Variants in LRRK1 observed in about 807,000 individuals in gnomAD.
LRRK1 encodes leucine rich repeat kinase 1, also known as leucine-rich repeat serine/threonine-protein kinase 1.
Under a neutral mutation model 209.1 loss-of-function variants are expected in LRRK1, and 113 were observed. The ratio of observed to expected loss-of-function variants is 0.54; its 90% confidence interval spans 0.46 to 0.63. The LOEUF is 0.63. Among genes scored for constraint, LRRK1 ranks in the 30% least tolerant of loss-of-function variants. LRRK1 has a pLI of 0.00. For missense variants in LRRK1, 2,284 were observed against 2,632.2 expected, an observed-to-expected ratio of 0.87 and a Z score of 2.89; for synonymous variants, 1,144 against 1,099.7, an observed-to-expected ratio of 1.04 and a Z score of -0.80.
At chr15:100,931,949 A>T (rs1014755748) in intron 2 of LRRK1, among the ~76,000 whole-genome samples, 1 of 152,048 alleles carries the variant, frequency 6.6e-6, no homozygotes, top group Non-Finnish European at 1.5e-5. Context: ...CATCATGCCC[A>T]TGGGTAATCA....
At position 101,069,557 on chromosome 15, in the gene LRRK1, C is replaced by T. The variant is rs185705612; in HGVS notation, c.*709C>T. ...GCTTAGCCTTTACATTCCTCTCCAC[C>T]GACAAAAGGAAGGGGAAACTCAATC... On this transcript the variant is annotated 3_prime_UTR_variant, in exon 34 of 34. Coordinates refer to ENST00000388948, the MANE Select transcript of LRRK1 (RefSeq NM_024652.6). 4 of 152,598 alleles carry T rather than the reference C, an allele frequency of 2.6e-5. No homozygotes were observed. Among genetic ancestry groups the T allele is most frequent in the Admixed American group, 2.6e-4 (4 of 15,272 alleles). The allele number at this position is 152,598 out of a possible 1,614,324, so 9.5% of individuals were successfully genotyped here.
chr15:100,994,033 G>T (rs749867064), intron 6 of LRRK1, among the ~76,000 whole-genome samples: 1 of 152,144 alleles, frequency 6.6e-6, no homozygotes, highest in Non-Finnish European at 1.5e-5. Context: ...GCTATTAGCC[G>T]CACATCACCA....
Position 101,069,565 on chromosome 15 carries a change from G to A in LRRK1, c.*717G>A, listed in dbSNP as rs1245368977. On this transcript the variant is annotated 3_prime_UTR_variant, in exon 34 of 34. Transcript: ENST00000388948. ...TTTACATTCCTCTCCACCGACAAAA[G>A]GAAGGGGAAACTCAATCAGCAGGAC... 6.5e-6 allele frequency: 1 copy of A among 152,678 alleles called. No homozygotes were observed. The highest frequency in any genetic ancestry group is 2.4e-5 in the African/African-American group (1 of 41,468). The allele number at this position is 152,678 out of a possible 1,614,324, so 9.5% of individuals were successfully genotyped here.
At chr15:101,030,640 G>A (rs984094573) in intron 20 of LRRK1, among the ~76,000 whole-genome samples, 2 of 152,030 alleles carry the variant, frequency 1.3e-5, no homozygotes, top group African/African-American at 4.8e-5. Flanking sequence ...CTGTACCCCT[G>A]ACACCCACTC....
Position 101,070,230 on chromosome 15 carries a change from G to C in LRRK1, c.*1382G>C, listed in dbSNP as rs1004204587. On this transcript the variant is annotated 3_prime_UTR_variant, in exon 34 of 34. Coordinates refer to ENST00000388948, the MANE Select transcript of LRRK1 (RefSeq NM_024652.6). ...TCCTTGCCCACTGTGCCAACATGCA[G>C]GTGGCCCCTGAGCAGCTTCCATGGG... 2 of 151,916 alleles carry C rather than the reference G, an allele frequency of 1.3e-5. No homozygotes were observed. Among genetic ancestry groups the C allele is most frequent in the Non-Finnish European group, 2.9e-5 (2 of 68,030 alleles). 9.4% of individuals were successfully genotyped at this position (151,916 alleles called of 1,614,324 possible). A position where few individuals can be genotyped will look rare whatever the true frequency, so the allele number is the denominator to read the frequency against.
At chr15:100,943,118 A>C (rs2042474559) in intron 2 of LRRK1, among the ~76,000 whole-genome samples, 1 of 152,234 alleles carries the variant, frequency 6.6e-6, no homozygotes, top group Admixed American at 6.5e-5. Context: ...GCAACAGTCT[A>C]TGTAAAGTGA....
Position 101,069,827 on chromosome 15 carries a change from CAG to C in LRRK1, c.*980_*981del, listed in dbSNP as rs1172732902. 1 of 152,658 alleles carries C rather than the reference CAG, an allele frequency of 6.6e-6. No individual in the cohort carries two copies. Among genetic ancestry groups the C allele is most frequent in the African/African-American group, 2.4e-5 (1 of 41,578 alleles). 9.5% of individuals were successfully genotyped at this position (152,658 alleles called of 1,614,324 possible). On this transcript the variant is annotated 3_prime_UTR_variant, in exon 34 of 34. Coordinates refer to ENST00000388948, the MANE Select transcript of LRRK1 (RefSeq NM_024652.6). Reference sequence around the variant, plus strand: ...GGAGTACGAAAAGGAACGTTGTCCACAGGGGATTTATGGATACAACAGCAAAC... The same window carrying C: ...GGAGTACGAAAAGGAACGTTGTCCACGGGATTTATGGATACAACAGCAAAC...
chr15:100,987,599 A>G (rs1344078796), intron 4 of LRRK1, among the ~76,000 whole-genome samples: 2 of 152,152 alleles, frequency 1.3e-5, no homozygotes, highest in African/African-American at 4.8e-5. Context: ...GATAATTTTA[A>G]AATGTGGGAA....
chr15:101,063,646 A>AT (rs2036329006), intron 31 of LRRK1, among the ~76,000 whole-genome samples: 1 of 150,056 alleles, frequency 6.7e-6, no homozygotes, highest in Admixed American at 6.7e-5. Flanking sequence ...GACTGTCATC[A>AT]TCCAATTCCA....
At chr15:101,029,903 G>A (rs1368825597) in intron 20 of LRRK1, among the ~76,000 whole-genome samples, 1 of 152,102 alleles carries the variant, frequency 6.6e-6, no homozygotes, top group African/African-American at 2.4e-5. Context: ...GAGCGACTAG[G>A]ATGTGCATAC....
chr15:101,005,776 G>A (rs1386378121), intron 6 of LRRK1, among the ~76,000 whole-genome samples: 1 of 149,692 alleles, frequency 6.7e-6, no homozygotes, highest in Non-Finnish European at 1.5e-5. Flanking sequence ...AATTGGGGAT[G>A]ACTTGGGTGT....
chr15:100,939,780 G>A (rs1596170065), intron 2 of LRRK1, among the ~76,000 whole-genome samples: 1 of 152,146 alleles, frequency 6.6e-6, no homozygotes, highest in Non-Finnish European at 1.5e-5. Flanking sequence ...CAGCAAAGTC[G>A]GGGTAAATAG....
At chr15:101,061,906 G>A (rs2036205733) in intron 30 of LRRK1, among the ~76,000 whole-genome samples, 1 of 152,212 alleles carries the variant, frequency 6.6e-6, no homozygotes, top group Non-Finnish European at 1.5e-5. Flanking sequence ...TACTCAGGAG[G>A]CTGAGGCAGG....
At position 101,030,468 on chromosome 15, in the gene LRRK1, TC is replaced by T. The variant is rs1428125211; in HGVS notation, c.2963+1238del. Among the ~76,000 whole-genome samples, 4 of 152,134 alleles carry T rather than the reference TC, an allele frequency of 2.6e-5. No homozygotes were observed. The South Asian group carries it at 6.2e-4, about 24-fold the overall frequency. On this transcript the variant is annotated intron_variant, in intron 20 of 33. Coordinates refer to ENST00000388948, the MANE Select transcript of LRRK1 (RefSeq NM_024652.6). ...GCCTCCAGAGGCTCAGGCCTGAGCTTCCAAATTGCTCCCACCTGGAAGTCTG... is the reference window on the plus strand; with the variant it reads ...GCCTCCAGAGGCTCAGGCCTGAGCTTCAAATTGCTCCCACCTGGAAGTCTG...
chr15:100,938,542 C>A (rs1364247162), intron 2 of LRRK1, among the ~76,000 whole-genome samples: 2 of 152,126 alleles, frequency 1.3e-5, no homozygotes, highest in East Asian at 3.9e-4. Flanking sequence ...TCCTCCCATG[C>A]AGGTAACCCA....
At chr15:100,969,692 T>G (rs940775818) in intron 2 of LRRK1, among the ~76,000 whole-genome samples, 3 of 152,172 alleles carry the variant, frequency 2.0e-5, no homozygotes, top group Admixed American at 1.3e-4. Flanking sequence ...GTTCCCCTCT[T>G]GTTTCCATGT....
rs763061068 is a variant in LRRK1, at chr15:101,021,910, C to T, written c.1805C>T (p.Thr602Ile). The T allele has an allele frequency of 6.2e-5, 100 of 1,613,980 alleles. 1 individual carries two copies. The South Asian group carries it at 8.9e-4, about 14-fold the overall frequency. Residue 602 changes from threonine to isoleucine, a missense_variant, in exon 14 of 34, where the codon ACT becomes ATT. Physicochemically the swap from Thr to Ile is moderately conservative, Grantham distance 89. Transcript: ENST00000388948. ...GQLGNLWQLD[T>I]EDLTISNVPA... ...CTGGGCAACCTCTGGCAGCTGGACA[C>T]TGAAGACCTGACCATCAGCAATGTG...
intron 19 of LRRK1, among the ~76,000 whole-genome samples, chr15:101,028,019 A>G (rs536670715): frequency 1.3e-5 from 2 of 152,332 alleles, no homozygotes; most frequent in Admixed American, 6.5e-5. Context: ...CCACGAGGAC[A>G]GACATACAAG....
chr15:100,947,124 A>T (rs975216902), intron 2 of LRRK1, among the ~76,000 whole-genome samples: 1 of 151,822 alleles, frequency 6.6e-6, no homozygotes, highest in Non-Finnish European at 1.5e-5. Context: ...TAACTGGCTA[A>T]TTTTTTTGTA....
Sources: gnomAD v4.1 joint callset for allele counts (sites outside exome capture counted in the v4.1 genomes callset) on GRCh38, gnomAD v4.1.1 for gene constraint, MANE v1.5 for transcripts, NCBI Gene and HGNC (gene_info 2026-07-23, HGNC 2026-07-21) for gene names.